MGAT4C: variants seen among roughly 807,000 people sequenced by gnomAD.
MGAT4C encodes alpha-1,3-mannosyl-glycoprotein 4-beta-N-acetylglucosaminyltransferase C.
Under a neutral mutation model 40.1 loss-of-function variants are expected in MGAT4C, and 19 were observed. The observed-to-expected ratio is 0.47, with a 90% CI of 0.33 to 0.70. The LOEUF (loss-of-function observed/expected upper bound fraction) is 0.70. MGAT4C is among the 30% of genes least tolerant of loss of function. The pLI is 0.02. For missense variants in MGAT4C, 491 were observed against 563.2 expected (o/e 0.87, Z 1.30); for synonymous variants, 181 against 187.1 (o/e 0.97, Z 0.27).
In MGAT4C at chr12:86,646,792, T is replaced by A. The variant is rs551218702; in HGVS notation, c.-229+80417A>T. ...GAATTTATATCTCTATGTCTCAAAT[T>A]TATTTATGTATTGTTTTATTTTATT... On this transcript the variant is annotated intron_variant, in intron 2 of 7. Transcript: ENST00000548651. 6.0e-4 allele frequency among the ~76,000 whole-genome samples: 91 copies of A among 152,094 alleles called. 1 individual carries two copies. The South Asian group carries it at 0.012, about 19-fold the overall frequency.
At chr12:86,438,582 T>A (rs568001344) in intron 2 of MGAT4C, among the ~76,000 whole-genome samples, 1 of 151,912 alleles carries the variant, frequency 6.6e-6, no homozygotes, top group Non-Finnish European at 1.5e-5. Flanking sequence ...AAAGTAACTA[T>A]GTAACAATCA....
At chr12:86,142,220 G>A (rs141999371) in intron 1 of MGAT4C, among the ~76,000 whole-genome samples, 1 of 152,132 alleles carries the variant, frequency 6.6e-6, no homozygotes. Context: ...AAACAGGAAG[G>A]TGGTCATGTG....
At chr12:86,436,228 AGTG>A (rs1957135321) in intron 2 of MGAT4C, among the ~76,000 whole-genome samples, 2 of 150,780 alleles carry the variant, frequency 1.3e-5, no homozygotes, top group Admixed American at 1.3e-4. Flanking sequence ...AGATTAAGCA[AGTG>A]CAACAAAACA....
At chr12:86,085,509 T>C (rs1871639384) in intron 1 of MGAT4C, among the ~76,000 whole-genome samples, 1 of 152,138 alleles carries the variant, frequency 6.6e-6, no homozygotes, top group Non-Finnish European at 1.5e-5. Context: ...GATCAGATGA[T>C]TGTAGATGTG....
Position 86,394,675 on chromosome 12 carries a change from A to G in MGAT4C, c.-120+40482T>C, listed in dbSNP as rs1185163290. ...TTGAGACAGAGTCTCTGTCTGTTGC[A>G]GTGGTAAGATCTCAGCTCACTGCAA... On this transcript the variant is annotated intron_variant, in intron 3 of 7. Transcript: ENST00000548651. Among the ~76,000 whole-genome samples, 27 of 141,198 alleles carry G rather than the reference A, an allele frequency of 1.9e-4. No homozygotes were observed. In the Admixed American group the frequency reaches 2.0e-3, roughly 11 times the overall value. 92.6% of individuals were successfully genotyped at this position (141,198 alleles called of 152,430 possible). A position where few individuals can be genotyped will look rare whatever the true frequency, so the allele number is the denominator to read the frequency against.
In MGAT4C at chr12:86,518,403, AT is replaced by A. The variant is rs1456088313; in HGVS notation, c.-228-83139del. Among the ~76,000 whole-genome samples the A allele has an allele frequency of 3.3e-5, 5 of 152,242 alleles. No individual in the cohort carries two copies. In the East Asian group the frequency reaches 9.6e-4, roughly 29 times the overall value. On this transcript the variant is annotated intron_variant, in intron 2 of 7. Transcript: ENST00000548651. ...AAAATATTTAAAGTCTCTTTGCAAA[AT>A]AAGCTATATAAATCATCACTAATCA...
chr12:86,163,752 G>A (rs1366199989), intron 1 of MGAT4C, among the ~76,000 whole-genome samples: 1 of 152,116 alleles, frequency 6.6e-6, no homozygotes, highest in East Asian at 1.9e-4. Flanking sequence ...CATGGAATAA[G>A]ACATCACATG....
chr12:86,558,592 CA>C (rs1355002924), intron 2 of MGAT4C, among the ~76,000 whole-genome samples: 1 of 151,906 alleles, frequency 6.6e-6, no homozygotes, highest in Admixed American at 6.6e-5. Flanking sequence ...TTTTCCCAGA[CA>C]AACAAAAACA....
At chr12:86,494,613 G>A (rs1327456322) in intron 2 of MGAT4C, among the ~76,000 whole-genome samples, 1 of 150,726 alleles carries the variant, frequency 6.6e-6, no homozygotes, top group Non-Finnish European at 1.5e-5. Flanking sequence ...ACAAACCATA[G>A]CAATCATTTA....
chr12:86,271,162 G>A (rs1952935948), intron 4 of MGAT4C, among the ~76,000 whole-genome samples: 1 of 152,178 alleles, frequency 6.6e-6, no homozygotes, highest in Non-Finnish European at 1.5e-5. Flanking sequence ...AAACAGACAA[G>A]TGGGGCTATA....
intron 1 of MGAT4C, among the ~76,000 whole-genome samples, chr12:86,152,843 T>C (rs1437537696): frequency 2.0e-5 from 3 of 152,050 alleles, no homozygotes; most frequent in African/African-American, 7.2e-5. Context: ...AGTCTTTCCC[T>C]TAATAAACAA....
intron 1 of MGAT4C, among the ~76,000 whole-genome samples, chr12:86,803,099 T>G (rs11104095): frequency 0.061 from 7,750 of 127,098 alleles, 240 homozygotes; most frequent in African/African-American, 0.099. Flanking sequence ...AGAGCCCTCA[T>G]AAATAATGCC....
At chr12:86,803,834 C>T (rs1952283621) in intron 1 of MGAT4C, among the ~76,000 whole-genome samples, 1 of 151,076 alleles carries the variant, frequency 6.6e-6, no homozygotes, top group East Asian at 2.0e-4. Flanking sequence ...TAAACTAGTT[C>T]AACCATTGTG....
chr12:86,485,594 A>G (rs1958006961), intron 2 of MGAT4C, among the ~76,000 whole-genome samples: 2 of 152,198 alleles, frequency 1.3e-5, no homozygotes, highest in Admixed American at 1.3e-4. Context: ...AAAGAAATAC[A>G]ACATTTTACT....
At position 85,956,375 on chromosome 12, in the gene MGAT4C, C is replaced by G. The variant is rs1033323133; in HGVS notation, c.*22914G>C. On this transcript the variant is annotated 3_prime_UTR_variant, in exon 5 of 5. Coordinates refer to ENST00000611864, the MANE Select transcript of MGAT4C (RefSeq NM_001351288.2). ...GACTCATTTATGCTAACATGGGAAT[C>G]TGATTCTCAATAACTTCGGTGTTTT... The G allele has an allele frequency of 1.5e-4, 23 of 152,286 alleles. No individual in the cohort carries two copies. Among genetic ancestry groups the G allele is most frequent in the Admixed American group, 1.4e-3 (21 of 15,288 alleles). The allele number at this position is 152,286 out of a possible 1,614,324, so 9.4% of individuals were successfully genotyped here.
intron 2 of MGAT4C, among the ~76,000 whole-genome samples, chr12:86,582,514 G>A (rs1960829747): frequency 1.3e-5 from 2 of 151,420 alleles, no homozygotes; most frequent in African/African-American, 2.4e-5. Context: ...ATGCAAATGG[G>A]TAACAGTTGG....
intron 4 of MGAT4C, among the ~76,000 whole-genome samples, chr12:86,321,588 G>T (rs1033034548): frequency 6.6e-6 from 1 of 152,152 alleles, no homozygotes; most frequent in African/African-American, 2.4e-5. Flanking sequence ...ATGGCCGCCA[G>T]AAAATATATT....
intron 1 of MGAT4C, among the ~76,000 whole-genome samples, chr12:86,196,638 C>A (rs1042515977): frequency 6.6e-6 from 1 of 152,242 alleles, no homozygotes; most frequent in African/African-American, 2.4e-5. Context: ...TCCCAGAAGT[C>A]TGACAGCCTT....
chr12:86,579,550 C>A (rs1428101807), intron 2 of MGAT4C, among the ~76,000 whole-genome samples: 1 of 151,434 alleles, frequency 6.6e-6, no homozygotes. Context: ...CCTGACTTAT[C>A]ATTTAGTCTT....
Sources: gnomAD v4.1 joint callset for allele counts (sites outside exome capture counted in the v4.1 genomes callset) on GRCh38, gnomAD v4.1.1 for gene constraint, MANE v1.5 for transcripts, NCBI Gene and HGNC (gene_info 2026-07-23, HGNC 2026-07-21) for gene names.